The following FAT3 variants were observed in gnomAD, a reference collection of about 807,000 sequenced individuals.
The protein encoded by FAT3 is FAT atypical cadherin 3, also known as protocadherin Fat 3.
A neutral mutation model predicts 310.2 loss-of-function variants in FAT3; 95 were observed. The ratio of observed to expected loss-of-function variants is 0.31; its 90% CI spans 0.26 to 0.36. FAT3 has a LOEUF of 0.36. Ranked by LOEUF, FAT3 falls within the 10% of genes least tolerant of loss-of-function variation. FAT3 has a pLI of 1.00. For missense variants in FAT3, 5,408 were observed against 5,715.6 expected, an observed-to-expected ratio of 0.95 and a Z score of 1.74; for synonymous variants, 2,314 against 2,192.9, an observed-to-expected ratio of 1.06 and a Z score of -1.54.
intron 4 of FAT3, among the ~76,000 whole-genome samples, chr11:92,741,926 A>T (rs958532309): frequency 1.3e-5 from 2 of 152,242 alleles, no homozygotes; most frequent in Admixed American, 1.3e-4. Context: ...ATCCAACTCA[A>T]AATTAAAATA....
intron 1 of FAT3, among the ~76,000 whole-genome samples, chr11:92,342,853 G>A (rs1048955033): frequency 1.3e-5 from 2 of 152,126 alleles, no homozygotes; most frequent in African/African-American, 4.8e-5. Context: ...AGACAGCCAA[G>A]CATAGGAGCA....
chr11:92,302,313 T>C (rs1565211968), intron 1 of FAT3, among the ~76,000 whole-genome samples: 1 of 152,062 alleles, frequency 6.6e-6, no homozygotes, highest in Non-Finnish European at 1.5e-5. Context: ...AAATAGGCTT[T>C]TTTTTTCTGT....
At chr11:92,507,566 A>G (rs1953150833) in intron 2 of FAT3, among the ~76,000 whole-genome samples, 1 of 151,910 alleles carries the variant, frequency 6.6e-6, no homozygotes, top group Non-Finnish European at 1.5e-5. Flanking sequence ...ATATATACAC[A>G]CACATATCCT....
In FAT3 at chr11:92,391,139, G is replaced by T. The variant is rs186089469; in HGVS notation, c.3292+35735G>T. On this transcript the variant is annotated intron_variant, in intron 2 of 27. Transcript: ENST00000525166. ...TGTAACTGAGAAGAGGTAGAAGTCA[G>T]CAGATTTGATTTTATATCCATGTGA... Among the ~76,000 whole-genome samples, 315 of 152,286 alleles carry T rather than the reference G, an allele frequency of 2.1e-3. 3 individuals are homozygous for T. Among genetic ancestry groups the T allele is most frequent in the African/African-American group, 7.3e-3 (305 of 41,574 alleles).
At chr11:92,485,490 C>T (rs563793004) in intron 2 of FAT3, among the ~76,000 whole-genome samples, 1 of 150,954 alleles carries the variant, frequency 6.6e-6, no homozygotes, top group African/African-American at 2.4e-5. Flanking sequence ...AATTGGACTG[C>T]ATATTGATAG....
rs974120479 is a variant in FAT3 at position 92,407,921 on chromosome 11, A to G, written c.3292+52517A>G. On this transcript the variant is annotated intron_variant, in intron 2 of 27. Coordinates refer to ENST00000525166, the MANE Select transcript of FAT3 (RefSeq NM_001367949.2). ...TCAAAAGGAAGCTTTTGCTGCAGAA[A>G]TTGATGGGGAATGAAACTTCCCAGC... 2.6e-5 allele frequency: 4 copies of G among 152,212 alleles called. No homozygotes were observed. In the East Asian group the frequency reaches 7.7e-4, roughly 29 times the overall value. 9.4% of individuals were successfully genotyped at this position (152,212 alleles called of 1,614,324 possible).
At chr11:92,321,330 G>A (rs934957451) in intron 1 of FAT3, among the ~76,000 whole-genome samples, 1 of 151,972 alleles carries the variant, frequency 6.6e-6, no homozygotes, top group Non-Finnish European at 1.5e-5. Flanking sequence ...CCAGCTCCTT[G>A]GGAGGCTGAG....
intron 2 of FAT3, chr11:92,400,262 A>G (rs941226875): frequency 6.6e-6 from 1 of 152,214 alleles, no homozygotes. Flanking sequence ...TGCCAAAGAA[A>G]TCCACAGAAG....
At chr11:92,849,400 C>T (rs1948761741) in intron 19 of FAT3, among the ~76,000 whole-genome samples, 1 of 152,164 alleles carries the variant, frequency 6.6e-6, no homozygotes, top group Non-Finnish European at 1.5e-5. Flanking sequence ...TGATCTTCTG[C>T]CTTATAGCAC....
chr11:92,499,584 T>C (rs919631263), intron 2 of FAT3, among the ~76,000 whole-genome samples: 39 of 152,008 alleles, frequency 2.6e-4, no homozygotes, highest in African/African-American at 8.9e-4. Flanking sequence ...GGGATGCTGA[T>C]AGCAAAAAAA....
chr11:92,356,398 T>A (rs1321055859), intron 2 of FAT3, among the ~76,000 whole-genome samples: 1 of 152,224 alleles, frequency 6.6e-6, no homozygotes, highest in South Asian at 2.1e-4. Context: ...AGAGTGCTTT[T>A]TTCCCCTTAG....
rs945753214 is a variant in FAT3, at chr11:92,456,026, C to T, written c.3293-68608C>T. ...GTCTGTTGTGGCTTGGGTTGTTGAA[C>T]GCTGAGAATCTGCAATGAGATTTTT... On this transcript the variant is annotated intron_variant, in intron 2 of 27. Coordinates refer to ENST00000525166, the MANE Select transcript of FAT3 (RefSeq NM_001367949.2). 5.9e-5 allele frequency among the ~76,000 whole-genome samples: 9 copies of T among 152,068 alleles called. No individual in the cohort carries two copies. The South Asian group carries it at 6.2e-4, about 11-fold the overall frequency.
intron 1 of FAT3, among the ~76,000 whole-genome samples, chr11:92,308,409 G>T (rs186065158): frequency 2.6e-4 from 40 of 152,208 alleles, no homozygotes; most frequent in Admixed American, 2.5e-3. Flanking sequence ...ATACTGCTTT[G>T]GATGTTGTTT....
chr11:92,505,672 G>GTGTTTGTT (rs999814873), intron 2 of FAT3, among the ~76,000 whole-genome samples: 2 of 151,992 alleles, frequency 1.3e-5, no homozygotes, highest in Non-Finnish European at 2.9e-5. Context: ...GACTAACTAG[G>GTGTTTGTT]TGTTTGTTTG....
intron 1 of FAT3, among the ~76,000 whole-genome samples, chr11:92,327,493 G>C (rs1210150001): frequency 6.6e-6 from 1 of 152,176 alleles, no homozygotes; most frequent in East Asian, 1.9e-4. Context: ...ACGCTTACTA[G>C]TCTGCATATT....
At chr11:92,576,850 T>A (rs1565426800) in intron 3 of FAT3, among the ~76,000 whole-genome samples, 1 of 152,126 alleles carries the variant, frequency 6.6e-6, no homozygotes, top group Non-Finnish European at 1.5e-5. Context: ...ACACTGAAGC[T>A]ATTTTTTTAA....
intron 19 of FAT3, among the ~76,000 whole-genome samples, chr11:92,855,316 T>C (rs906328221): frequency 6.6e-6 from 1 of 152,350 alleles, no homozygotes; most frequent in East Asian, 1.9e-4. Context: ...TGAGTTAAAA[T>C]ATTCCCTTCC....
chr11:92,874,661 T>C (rs1406329868), intron 22 of FAT3, among the ~76,000 whole-genome samples: 1 of 152,200 alleles, frequency 6.6e-6, no homozygotes, highest in East Asian at 1.9e-4. Flanking sequence ...TGCCTCAGCC[T>C]CCCAAGTAGC....
At position 92,893,345 on chromosome 11, in the gene FAT3, T is replaced by C; in HGVS notation, c.*2232T>C. The C allele has an allele frequency of 6.6e-6, 1 of 152,224 alleles. No individual in the cohort carries two copies. Among genetic ancestry groups the C allele is most frequent in the East Asian group, 1.9e-4 (1 of 5,200 alleles). 9.4% of individuals were successfully genotyped at this position (152,224 alleles called of 1,614,324 possible). ...TTTCGAGAACAAAGTCTTTGGTATT[T>C]TTCTTATGTAAGAAGCACATTTGCA... On this transcript the variant is annotated 3_prime_UTR_variant, in exon 28 of 28. Transcript: ENST00000525166.
Sources: allele counts gnomAD v4.1 joint callset (sites outside exome capture counted in the v4.1 genomes callset), GRCh38; gene constraint gnomAD v4.1.1; transcripts MANE v1.5; gene names NCBI Gene and HGNC (gene_info 2026-07-23, HGNC 2026-07-21).